JAZF1: variants seen among roughly 807,000 people sequenced by gnomAD.
JAZF1 encodes JAZF zinc finger 1.
Under a neutral mutation model 26.4 loss-of-function variants are expected in JAZF1, and 8 were observed. The ratio of observed to expected loss-of-function variants is 0.30; its 90% CI spans 0.18 to 0.55. The LOEUF (loss-of-function observed/expected upper bound fraction) is 0.55. Among genes scored for constraint, JAZF1 ranks in the 20% least tolerant of loss-of-function variants. The probability of loss-of-function intolerance (pLI) is 0.94; values close to 1 mark genes in which losing one functional copy is unlikely to be tolerated. For missense variants in JAZF1, 199 were observed against 322.0 expected (o/e 0.62, Z 2.92); for synonymous variants, 126 against 122.3 (o/e 1.03, Z -0.20).
intron 1 of JAZF1, among the ~76,000 whole-genome samples, chr7:27,996,085 T>C (rs1474177171): frequency 6.6e-5 from 10 of 152,208 alleles, no homozygotes; most frequent in African/African-American, 2.2e-4. Context: ...TTCTGAAGAA[T>C]TGCCTTTTGC....
intron 3 of JAZF1, among the ~76,000 whole-genome samples, chr7:27,886,593 A>C (rs1783868955): frequency 6.6e-6 from 1 of 152,164 alleles, no homozygotes; most frequent in Non-Finnish European, 1.5e-5. Flanking sequence ...GAATGACCCC[A>C]TGTGTATCTC....
At chr7:27,857,134 C>T (rs545972431) in intron 3 of JAZF1, among the ~76,000 whole-genome samples, 79 of 152,318 alleles carry the variant, frequency 5.2e-4, no homozygotes, top group African/African-American at 1.8e-3. Context: ...GCTTGGGCCG[C>T]GCAGGAGCCC....
intron 1 of JAZF1, among the ~76,000 whole-genome samples, chr7:28,048,433 T>C (rs1294830060): frequency 6.6e-6 from 1 of 152,208 alleles, no homozygotes; most frequent in African/African-American, 2.4e-5. Flanking sequence ...TTTTCTCAAA[T>C]ATTGATTTGA....
At chr7:28,121,169 C>T (rs1418599611) in intron 1 of JAZF1, among the ~76,000 whole-genome samples, 1 of 121,094 alleles carries the variant, frequency 8.3e-6, no homozygotes, top group African/African-American at 3.3e-5. Context: ...TACCGCACAA[C>T]AGAAGGAGAC....
Position 27,832,616 on chromosome 7 carries a change from G to T in JAZF1, c.*184C>A. ...GAAAATGGGTATGATGATTACATGT[G>T]CAAATGTACAAAATCATTAACTCTA... is the stretch of plus-strand genomic sequence containing the variant. On this transcript the variant is annotated 3_prime_UTR_variant, in exon 5 of 5. Coordinates refer to ENST00000283928, the MANE Select transcript of JAZF1 (RefSeq NM_175061.4). The T allele has an allele frequency of 2.2e-6, 1 of 456,396 alleles. No individual in the cohort carries two copies. Among genetic ancestry groups the T allele is most frequent in the Non-Finnish European group, 3.8e-6 (1 of 263,622 alleles). 28.3% of individuals were successfully genotyped at this position (456,396 alleles called of 1,614,324 possible). A position where few individuals can be genotyped will look rare whatever the true frequency, so the allele number is the denominator to read the frequency against.
At chr7:27,959,462 T>C (rs540966696) in intron 2 of JAZF1, among the ~76,000 whole-genome samples, 1 of 152,364 alleles carries the variant, frequency 6.6e-6, no homozygotes, top group South Asian at 2.1e-4. Flanking sequence ...TGACATACTT[T>C]ACACTGCTAT....
At position 27,903,624 on chromosome 7, in the gene JAZF1, T is replaced by C. The variant is rs139935566; in HGVS notation, c.189-8208A>G. The stretch of plus-strand genomic sequence containing the variant: ...TCATTAGACAACACGCTGGGGCCCA[T>C]CTATAAACTCATACACCTCTTCTTA... On this transcript the variant is annotated intron_variant, in intron 2 of 4. Coordinates refer to ENST00000283928, the MANE Select transcript of JAZF1 (RefSeq NM_175061.4). 2.2e-3 allele frequency among the ~76,000 whole-genome samples: 331 copies of C among 152,320 alleles called. 4 individuals are homozygous for C. Among genetic ancestry groups the C allele is most frequent in the African/African-American group, 7.4e-3 (306 of 41,584 alleles).
intron 1 of JAZF1, among the ~76,000 whole-genome samples, chr7:27,996,053 T>C (rs543504305): frequency 6.6e-6 from 1 of 152,300 alleles, no homozygotes; most frequent in South Asian, 2.1e-4. Flanking sequence ...CCAATGGCCA[T>C]CAAGCATCAG....
chr7:28,091,587 G>C (rs1218785133), intron 1 of JAZF1, among the ~76,000 whole-genome samples: 1 of 148,514 alleles, frequency 6.7e-6, no homozygotes, highest in African/African-American at 2.5e-5. Flanking sequence ...AGATTTCAAT[G>C]TAAGTTAAAT....
intron 1 of JAZF1, among the ~76,000 whole-genome samples, chr7:28,018,921 T>C (rs1248316399): frequency 6.6e-6 from 1 of 152,200 alleles, no homozygotes; most frequent in Non-Finnish European, 1.5e-5. Context: ...TCACTTGATA[T>C]GGACAAAAAG....
At chr7:27,917,532 G>T (rs1250968404) in intron 2 of JAZF1, among the ~76,000 whole-genome samples, 1 of 152,182 alleles carries the variant, frequency 6.6e-6, no homozygotes, top group Non-Finnish European at 1.5e-5. Flanking sequence ...GAACCACGGA[G>T]TTTAGACAAT....
chr7:28,164,718 A>C (rs921590210), intron 1 of JAZF1, among the ~76,000 whole-genome samples: 1 of 152,192 alleles, frequency 6.6e-6, no homozygotes, highest in African/African-American at 2.4e-5. Flanking sequence ...AATACATGTT[A>C]CGTTACTGCT....
chr7:28,018,668 T>TC (rs1263250040), intron 1 of JAZF1, among the ~76,000 whole-genome samples: 5 of 151,892 alleles, frequency 3.3e-5, no homozygotes, highest in Admixed American at 6.6e-5. Flanking sequence ...ACCAGTCACA[T>TC]CCCCCCAAAT....
rs376430262 is a variant in JAZF1, at chr7:28,180,464, G to T, written c.114C>A (p.Ile38=). The T allele has an allele frequency of 8.1e-6, 13 of 1,608,600 alleles. No individual in the cohort carries two copies. Among genetic ancestry groups the T allele is most frequent in the Non-Finnish European group, 1.1e-5 (13 of 1,177,282 alleles). The part of the protein sequence containing the change: ...DLIEHIEDNH[I]DTDPRVLEKQ... ...CCCGCCCACCCCCGGGCCATTTACC[G>T]ATGTGGTTGTCCTCGATGTGCTCGA... Residue 38 remains isoleucine (I), a splice_region_variant and synonymous_variant, in exon 1 of 5, where the codon ATC becomes ATA. Coordinates refer to ENST00000283928, the MANE Select transcript of JAZF1 (RefSeq NM_175061.4).
chr7:27,973,045 T>C (rs903138762), intron 2 of JAZF1, among the ~76,000 whole-genome samples: 1 of 151,766 alleles, frequency 6.6e-6, no homozygotes, highest in Non-Finnish European at 1.5e-5. Flanking sequence ...ATTAGAGCTA[T>C]ATATATGCAT....
At chr7:28,067,138 C>A (rs1783895968) in intron 1 of JAZF1, among the ~76,000 whole-genome samples, 2 of 152,136 alleles carry the variant, frequency 1.3e-5, no homozygotes, top group Non-Finnish European at 2.9e-5. Context: ...TGTGTCCACT[C>A]CAGATAACTA....
intron 3 of JAZF1, among the ~76,000 whole-genome samples, chr7:27,852,102 C>T (rs562346230): frequency 9.6e-4 from 145 of 151,806 alleles, no homozygotes; most frequent in African/African-American, 3.4e-3. Flanking sequence ...GGTTTTTTGA[C>T]CAACGTTTGC....
At chr7:28,151,977 G>A (rs1783117776) in intron 1 of JAZF1, among the ~76,000 whole-genome samples, 1 of 152,096 alleles carries the variant, frequency 6.6e-6, no homozygotes, top group African/African-American at 2.4e-5. Flanking sequence ...TTCTACTTTA[G>A]TATATCTATC....
At chr7:28,164,172 C>T (rs1457017330) in intron 1 of JAZF1, among the ~76,000 whole-genome samples, 3 of 152,192 alleles carry the variant, frequency 2.0e-5, no homozygotes, top group African/African-American at 7.2e-5. Context: ...TGACCAGCAG[C>T]CTAACACAGA....
Sources: gnomAD v4.1 joint callset for allele counts (sites outside exome capture counted in the v4.1 genomes callset) on GRCh38, gnomAD v4.1.1 for gene constraint, MANE v1.5 for transcripts, NCBI Gene and HGNC (gene_info 2026-07-23, HGNC 2026-07-21) for gene names.